Variants in SLA observed in about 807,000 individuals in gnomAD.
The protein encoded by SLA is src-like-adapter.
SLA carries 16 observed loss-of-function variants against 30.3 expected under a neutral mutation model. That is an observed-to-expected ratio of 0.53 (90% CI 0.36 to 0.80). The LOEUF is 0.80. Among genes scored for constraint, SLA ranks in the 30% least tolerant of loss-of-function variants. SLA has a pLI of 0.01. For missense variants in SLA, 310 were observed against 345.2 expected, an observed-to-expected ratio of 0.90 and a Z score of 0.81; for synonymous variants, 143 against 137.8, an observed-to-expected ratio of 1.04 and a Z score of -0.26.
At chr8:133,040,301 C>T in intron 7 of SLA, 171 bp from the exon 8 acceptor site, 2 of 683,498 alleles carry the variant, frequency 2.9e-6, no homozygotes, top group Non-Finnish European at 4.9e-6. Flanking sequence ...GTCACGCGCC[C>T]AGCTGTTTGA....
chr8:133,043,077 CAG>C (rs1838621584), intron 7 of SLA, among the ~76,000 whole-genome samples: 1 of 152,172 alleles, frequency 6.6e-6, no homozygotes, highest in South Asian at 2.1e-4. Flanking sequence ...GCATAGGAAA[CAG>C]TTCCGGTTTT....
At chr8:133,100,602 A>AT (rs1849089204) in intron 1 of SLA, among the ~76,000 whole-genome samples, 1 of 152,098 alleles carries the variant, frequency 6.6e-6, no homozygotes, top group Non-Finnish European at 1.5e-5. Context: ...TATTATTACT[A>AT]TTTTTCAGAG....
chr8:133,097,866 T>C (rs1054909331), intron 1 of SLA, among the ~76,000 whole-genome samples: 3 of 152,178 alleles, frequency 2.0e-5, no homozygotes, highest in African/African-American at 7.2e-5. Flanking sequence ...GAGGTTTGCA[T>C]GTGAAGTTGA....
At chr8:133,087,071 TACAC>T (rs56028043) in intron 1 of SLA, among the ~76,000 whole-genome samples, 9,506 of 142,896 alleles carry the variant, frequency 0.067, 383 homozygotes, top group East Asian at 0.11. Flanking sequence ...AATATATGTT[TACAC>T]ACACACACAC....
chr8:133,037,341 G>A lies in SLA; in HGVS notation c.*1183C>T, dbSNP rs1837283066. 1 of 152,242 alleles carries A rather than the reference G, an allele frequency of 6.6e-6. No individual in the cohort carries two copies. Among genetic ancestry groups the A allele is most frequent in the South Asian group, 2.1e-4 (1 of 4,814 alleles). 9.4% of individuals were successfully genotyped at this position (152,242 alleles called of 1,614,324 possible). On this transcript the variant is annotated 3_prime_UTR_variant, in exon 9 of 9. Coordinates refer to ENST00000338087, the MANE Select transcript of SLA (RefSeq NM_001045556.3). ...CCACTTGGACTCCCCATCTTTCCTGGAGCTGAGCATTTTTCCTCATATGGA... is the reference window on the plus strand; with the variant it reads ...CCACTTGGACTCCCCATCTTTCCTGAAGCTGAGCATTTTTCCTCATATGGA...
chr8:133,062,213 C>T (rs1353438667), intron 2 of SLA, among the ~76,000 whole-genome samples: 1 of 152,180 alleles, frequency 6.6e-6, no homozygotes, highest in East Asian at 1.9e-4. Context: ...TGCCCCTACC[C>T]TCCTCACAAA....
intron 1 of SLA, among the ~76,000 whole-genome samples, chr8:133,080,471 C>T (rs967441576): frequency 1.3e-5 from 2 of 152,108 alleles, no homozygotes; most frequent in African/African-American, 4.8e-5. Flanking sequence ...ATTGGGTCTT[C>T]CCACGTCCCA....
intron 1 of SLA, among the ~76,000 whole-genome samples, chr8:133,094,276 T>A (rs1848070845): frequency 6.8e-6 from 1 of 146,770 alleles, no homozygotes; most frequent in African/African-American, 2.5e-5. Flanking sequence ...AGTCTTGCTC[T>A]GTTTCCCAGG....
chr8:133,101,231 G>A lies in SLA; in HGVS notation c.-319+1322C>T, dbSNP rs997225536. Among the ~76,000 whole-genome samples, 27 of 152,296 alleles carry A rather than the reference G, an allele frequency of 1.8e-4. 1 individual carries two copies. The highest frequency in any genetic ancestry group is 1.2e-3 in the South Asian group (6 of 4,828). ...TTCTACCCCACACAGAACTGCAAGA[G>A]GGCACAGTGGACAACCAAGTGGAAA... On this transcript the variant is annotated intron_variant, in intron 1 of 8. Transcript: ENST00000338087.
At position 133,049,897 on chromosome 8, in the gene SLA, C is replaced by T. The variant is rs750311979; in HGVS notation, c.248+5G>A. ...TAATTGCTGCCATTTGAGAAATGTA[C>T]TCACCCATGGTAAACTCTGGCCACA... On this transcript the variant is annotated splice_donor_5th_base_variant and intron_variant, in intron 5 of 8. Transcript: ENST00000338087. 6.3e-7 allele frequency: 1 copy of T among 1,581,128 alleles called. No individual in the cohort carries two copies. Among genetic ancestry groups the T allele is most frequent in the Non-Finnish European group, 8.7e-7 (1 of 1,149,862 alleles).
At chr8:133,058,273 C>G (rs1012896885) in intron 3 of SLA, among the ~76,000 whole-genome samples, 67 of 152,086 alleles carry the variant, frequency 4.4e-4, no homozygotes, top group African/African-American at 1.5e-3. Context: ...AGCCCACCAG[C>G]GCTTGATGTG....
chr8:133,076,634 T>C (rs938242960), intron 1 of SLA: 1 of 152,080 alleles, frequency 6.6e-6, no homozygotes, highest in Non-Finnish European at 1.5e-5. Flanking sequence ...AGTTTTGTGA[T>C]GACTTTTTAA....
intron 7 of SLA, among the ~76,000 whole-genome samples, chr8:133,043,583 A>G (rs1838738051): frequency 6.6e-6 from 1 of 151,918 alleles, no homozygotes; most frequent in African/African-American, 2.4e-5. Context: ...ATATTCACCC[A>G]CCTCCCATAA....
rs967960293 is a variant in SLA at position 133,036,875 on chromosome 8, A to G, written c.*1649T>C. The stretch of plus-strand genomic sequence containing the variant: ...GTCACAACGGAAAACAACACATAAG[A>G]TACTGTGCAGACATCTGGAGTTCAG... On this transcript the variant is annotated 3_prime_UTR_variant, in exon 9 of 9. Transcript: ENST00000338087. 6 of 152,620 alleles carry G rather than the reference A, an allele frequency of 3.9e-5. No individual in the cohort carries two copies. Among genetic ancestry groups the G allele is most frequent in the Non-Finnish European group, 8.8e-5 (6 of 68,046 alleles). The allele number at this position is 152,620 out of a possible 1,614,324, so 9.5% of individuals were successfully genotyped here. A position where few individuals can be genotyped will look rare whatever the true frequency, so the allele number is the denominator to read the frequency against.
rs1212119818 is a variant in SLA at position 133,047,908 on chromosome 8, C to A, written c.274G>T (p.Asp92Tyr). Residue 92 changes from aspartate to tyrosine, a missense_variant, in exon 6 of 9, where the codon GAC becomes TAC. By Grantham distance (160) the Asp-to-Tyr change is radical. Coordinates refer to ENST00000338087, the MANE Select transcript of SLA (RefSeq NM_001045556.3). Reference protein sequence around the residue: ...HGWLFEGLGRDKAEELLQLPD... With the variant: ...HGWLFEGLGRYKAEELLQLPD... ...AGCTGCAGCAGCTCCTCGGCCTTGT[C>A]TCTGCCCAGGCCCTCAAACAGCCAG... is the stretch of plus-strand genomic sequence containing the variant. The A allele has an allele frequency of 6.2e-7, 1 of 1,611,876 alleles. No individual in the cohort carries two copies. Among genetic ancestry groups the A allele is most frequent in the East Asian group, 2.2e-5 (1 of 44,856 alleles).
chr8:133,100,819 T>C (rs1249486741), intron 1 of SLA, among the ~76,000 whole-genome samples: 2 of 152,202 alleles, frequency 1.3e-5, no homozygotes, highest in Non-Finnish European at 2.9e-5. Flanking sequence ...TTTTTTTCTG[T>C]AGTCATTTAT....
chr8:133,050,216 G>A, intron 4 of SLA: 1 of 547,414 alleles, frequency 1.8e-6, no homozygotes, highest in Non-Finnish European at 3.3e-6. Context: ...ACCCTCCCAT[G>A]TGCTAGAAAT....
Position 133,095,500 on chromosome 8 carries a change from C to A in SLA, c.-319+7053G>T, listed in dbSNP as rs13256652. Among the ~76,000 whole-genome samples the A allele has an allele frequency of 0.73, 110,832 of 152,112 alleles. 40,935 individuals are homozygous for A. The highest frequency in any genetic ancestry group is 0.8 in the African/African-American group (33,318 of 41,520). ...ATAGAGTAGGAGGAGAAAATGAAGT[C>A]ACACATGTGAAGGATTTGGCCTCAC... is the stretch of plus-strand genomic sequence containing the variant. On this transcript the variant is annotated intron_variant, in intron 1 of 8. Coordinates refer to ENST00000338087, the MANE Select transcript of SLA (RefSeq NM_001045556.3).
At chr8:133,050,088 A>G (rs1025268180) in intron 4 of SLA, 100 bp from the exon 5 acceptor site, 3 of 828,306 alleles carry the variant, frequency 3.6e-6, no homozygotes, top group Admixed American at 3.7e-5. Context: ...ACAGTTTGGA[A>G]CATTCCTCTT....
Sources: allele counts gnomAD v4.1 joint callset (sites outside exome capture counted in the v4.1 genomes callset), GRCh38; gene constraint gnomAD v4.1.1; transcripts MANE v1.5; gene names NCBI Gene and HGNC (gene_info 2026-07-23, HGNC 2026-07-21).